PEAK1: variants seen among roughly 807,000 people sequenced by gnomAD.
The protein encoded by PEAK1 is pseudopodium enriched atypical kinase 1.
Under a neutral mutation model 124.7 loss-of-function variants are expected in PEAK1, and 54 were observed. The ratio of observed to expected loss-of-function variants is 0.43; its 90% CI spans 0.35 to 0.54. The LOEUF (loss-of-function observed/expected upper bound fraction) is 0.54, where lower values mean the gene tolerates loss of function less well. Ranked by LOEUF, PEAK1 falls within the 20% of genes least tolerant of loss-of-function variation. The probability of loss-of-function intolerance (pLI) is 0.01; values close to 1 mark genes in which losing one functional copy is unlikely to be tolerated. For missense variants in PEAK1, 2,046 were observed against 2,134.5 expected, an observed-to-expected ratio of 0.96 and a Z score of 0.82; for synonymous variants, 719 against 760.0, an observed-to-expected ratio of 0.95 and a Z score of 0.89.
At chr15:77,270,972 C>G (rs1051245845) in intron 5 of PEAK1, among the ~76,000 whole-genome samples, 4 of 152,132 alleles carry the variant, frequency 2.6e-5, no homozygotes, top group African/African-American at 9.7e-5. Context: ...GCAAAAGAAA[C>G]TACCATCAGA....
intron 6 of PEAK1, among the ~76,000 whole-genome samples, chr15:77,209,832 C>T (rs750646223): frequency 4.6e-5 from 7 of 152,162 alleles, no homozygotes; most frequent in Non-Finnish European, 1.0e-4. Flanking sequence ...GAATGCAGAC[C>T]TGCCAAAACC....
At chr15:77,352,269 G>C in intron 2 of PEAK1, 1 of 985,250 alleles carries the variant, frequency 1.0e-6, no homozygotes, top group Non-Finnish European at 1.2e-6. Context: ...GGTCCTCCTA[G>C]CCATACCTCT....
chr15:77,414,061 G>T (rs762420432), intron 1 of PEAK1, among the ~76,000 whole-genome samples: 3 of 151,956 alleles, frequency 2.0e-5, no homozygotes, highest in Admixed American at 2.0e-4. Flanking sequence ...GGGCTCAGAC[G>T]ATCTTCCCAC....
intron 7 of PEAK1, among the ~76,000 whole-genome samples, chr15:77,168,632 TA>T (rs2056295356): frequency 2.0e-5 from 3 of 152,090 alleles, no homozygotes; most frequent in South Asian, 4.1e-4. Flanking sequence ...TGGAGTGGAT[TA>T]GGGGGCTCTC....
intron 5 of PEAK1, 69 bp downstream of exon 5, chr15:77,283,814 T>C (rs914199445): frequency 4.0e-6 from 3 of 749,526 alleles, no homozygotes; most frequent in African/African-American, 1.9e-5. Context: ...ATGCTTATTC[T>C]TAATCCAGGA....
At chr15:77,235,099 C>T (rs1459208926) in intron 6 of PEAK1, among the ~76,000 whole-genome samples, 1 of 152,058 alleles carries the variant, frequency 6.6e-6, no homozygotes. Flanking sequence ...CCCAGCCATG[C>T]AAAACTGTGA....
chr15:77,150,774 G>C (rs1488568761), intron 8 of PEAK1, among the ~76,000 whole-genome samples: 2 of 148,604 alleles, frequency 1.3e-5, no homozygotes, highest in Non-Finnish European at 3.0e-5. Context: ...TTGGTATTTT[G>C]TCCTTGCAAT....
Position 77,179,421 on chromosome 15 carries a change from C to CTG in PEAK1, c.2504_2505dup (p.Asp836GlnfsTer14), listed in dbSNP as rs2057099353. On this transcript the variant is annotated frameshift_variant, in exon 7 of 10. Transcript: ENST00000682557. LOFTEE classifies it high-confidence loss of function. ...TTCTGTACTTTGGTGGTAGGACTGT[C>CTG]TGTGGTCTGAGGTGCTTCAGCCTCA... 6.2e-7 allele frequency: 1 copy of CTG among 1,614,002 alleles called. No individual in the cohort carries two copies. Among genetic ancestry groups the CTG allele is most frequent in the Non-Finnish European group, 8.5e-7 (1 of 1,180,032 alleles).
At chr15:77,246,681 T>A (rs1389974382) in intron 6 of PEAK1, among the ~76,000 whole-genome samples, 3 of 152,190 alleles carry the variant, frequency 2.0e-5, no homozygotes, top group African/African-American at 7.2e-5. Context: ...GGTGCTATTA[T>A]AAATGCTATT....
intron 1 of PEAK1, among the ~76,000 whole-genome samples, chr15:77,379,237 T>A (rs2069279331): frequency 6.6e-6 from 1 of 152,184 alleles, no homozygotes. Flanking sequence ...AATCTGGGGA[T>A]GTCCACAGCA....
chr15:77,223,129 A>G (rs2059463540), intron 6 of PEAK1, among the ~76,000 whole-genome samples: 1 of 152,080 alleles, frequency 6.6e-6, no homozygotes, highest in East Asian at 1.9e-4. Flanking sequence ...CTAAAGAGCT[A>G]GAAATTAGCC....
chr15:77,306,538 G>C (rs1481395017), intron 2 of PEAK1, among the ~76,000 whole-genome samples: 2 of 152,080 alleles, frequency 1.3e-5, no homozygotes, highest in Non-Finnish European at 2.9e-5. Context: ...TAAAATCCCA[G>C]GAAATGGCCA....
At chr15:77,231,607 T>C (rs2059912488) in intron 6 of PEAK1, among the ~76,000 whole-genome samples, 1 of 152,140 alleles carries the variant, frequency 6.6e-6, no homozygotes, top group Non-Finnish European at 1.5e-5. Context: ...AAAAAAAAGT[T>C]TTAGAGTATA....
chr15:77,163,805 G>C lies in PEAK1; in HGVS notation c.3138-5109C>G, dbSNP rs923394785. On this transcript the variant is annotated intron_variant, in intron 7 of 9. Coordinates refer to ENST00000682557, the MANE Select transcript of PEAK1 (RefSeq NM_001385026.1). Reference sequence around the variant, plus strand: ...TCCATTTGTTAGCTCTGTTCAGCAGGTACACATGTCTCTAGTTGCCCACGA... The same window carrying C: ...TCCATTTGTTAGCTCTGTTCAGCAGCTACACATGTCTCTAGTTGCCCACGA... Among the ~76,000 whole-genome samples the C allele has an allele frequency of 6.0e-5, 9 of 150,872 alleles. No homozygotes were observed. The East Asian group carries it at 1.7e-3, about 29-fold the overall frequency.
At chr15:77,256,409 TAA>T (rs569192028) in intron 5 of PEAK1, among the ~76,000 whole-genome samples, 9 of 143,102 alleles carry the variant, frequency 6.3e-5, no homozygotes, top group African/African-American at 2.0e-4. Context: ...TAGTTTCAGG[TAA>T]AAAAAAAAAA....
intron 1 of PEAK1, among the ~76,000 whole-genome samples, chr15:77,374,680 GA>G (rs1484127293): frequency 1.3e-5 from 2 of 152,082 alleles, no homozygotes; most frequent in African/African-American, 4.8e-5. Context: ...TTTTCTGGTA[GA>G]AAAATTGTCT....
chr15:77,397,648 T>G (rs1306071927), intron 1 of PEAK1, among the ~76,000 whole-genome samples: 2 of 152,178 alleles, frequency 1.3e-5, no homozygotes, highest in African/African-American at 4.8e-5. Context: ...TAGAGGCTAC[T>G]ATGAGTAACC....
chr15:77,211,160 G>C (rs1367445704), intron 6 of PEAK1, among the ~76,000 whole-genome samples: 1 of 152,122 alleles, frequency 6.6e-6, no homozygotes, highest in Non-Finnish European at 1.5e-5. Context: ...CTGAGTAGTT[G>C]CAACAGAGAC....
At chr15:77,376,233 C>T (rs1157883665) in intron 1 of PEAK1, among the ~76,000 whole-genome samples, 1 of 151,962 alleles carries the variant, frequency 6.6e-6, no homozygotes, top group Non-Finnish European at 1.5e-5. Flanking sequence ...AGGCACACAA[C>T]AAACATTTAA....
Sources: allele counts gnomAD v4.1 joint callset (sites outside exome capture counted in the v4.1 genomes callset), GRCh38; gene constraint gnomAD v4.1.1; transcripts MANE v1.5; gene names NCBI Gene and HGNC (gene_info 2026-07-23, HGNC 2026-07-21).